CERS3: variants seen among roughly 807,000 people sequenced by gnomAD.
The protein encoded by CERS3 is ceramide synthase 3, also known as LAG1 homolog, ceramide synthase 3.
CERS3 carries 33 observed loss-of-function variants against 50.3 expected under a neutral mutation model. That is an observed-to-expected ratio of 0.66 (90% confidence interval 0.50 to 0.88). The LOEUF (loss-of-function observed/expected upper bound fraction) is 0.88. CERS3 is among the 40% of genes least tolerant of loss of function. The pLI is 0.00. For missense variants in CERS3, 470 were observed against 460.3 expected (o/e 1.02, Z -0.19); for synonymous variants, 176 against 155.2 (o/e 1.13, Z -0.99).
intron 2 of CERS3, among the ~76,000 whole-genome samples, chr15:100,517,906 C>T (rs1025464204): frequency 2.0e-5 from 3 of 152,154 alleles, no homozygotes; most frequent in Non-Finnish European, 4.4e-5. Flanking sequence ...TCCGAAATCA[C>T]AAGAAAAGTT....
At chr15:100,479,205 G>GATTTACTATTTAA in intron 7 of CERS3, among the ~76,000 whole-genome samples, 1 of 152,116 alleles carries the variant, frequency 6.6e-6, no homozygotes, top group African/African-American at 2.4e-5. Flanking sequence ...TAAATAGTAA[G>GATTTACTATTTAA]ATGGTAGATT....
chr15:100,425,521 CT>C (rs1297089281), intron 11 of CERS3, among the ~76,000 whole-genome samples: 1 of 152,174 alleles, frequency 6.6e-6, no homozygotes, highest in Non-Finnish European at 1.5e-5. Flanking sequence ...CTGTAGCCCA[CT>C]TTGTTTTGGC....
At chr15:100,513,168 C>T (rs1176241705) in intron 2 of CERS3, among the ~76,000 whole-genome samples, 1 of 152,184 alleles carries the variant, frequency 6.6e-6, no homozygotes, top group Non-Finnish European at 1.5e-5. Context: ...CCACAATATA[C>T]TGTGATCTAG....
intron 3 of CERS3, among the ~76,000 whole-genome samples, chr15:100,492,090 C>T (rs975834421): frequency 6.6e-6 from 1 of 152,130 alleles, no homozygotes; most frequent in African/African-American, 2.4e-5. Context: ...AATCCTTTCA[C>T]ATTTATTGAG....
intron 3 of CERS3, 126 bp from the exon 4 acceptor site, chr15:100,491,057 C>T (rs2035635331): frequency 3.3e-6 from 2 of 597,696 alleles, no homozygotes; most frequent in African/African-American, 1.9e-5. Context: ...GACACTGGGG[C>T]TACGTACAGC....
At chr15:100,455,130 C>T (rs771057132) in intron 11 of CERS3, among the ~76,000 whole-genome samples, 1 of 152,012 alleles carries the variant, frequency 6.6e-6, no homozygotes, top group Non-Finnish European at 1.5e-5. Flanking sequence ...AACTCTTATA[C>T]ACTGTTTGTG....
At chr15:100,528,975 A>G (rs2036872940), upstream of CERS3, 1 of 152,218 alleles carries the variant, frequency 6.6e-6, no homozygotes, top group Admixed American at 6.5e-5. Context: ...CAAAGTTGCG[A>G]GTCAAGATTT....
At chr15:100,487,821 A>C (rs2035533855) in intron 4 of CERS3, among the ~76,000 whole-genome samples, 1 of 152,206 alleles carries the variant, frequency 6.6e-6, no homozygotes, top group Admixed American at 6.5e-5. Flanking sequence ...AAGCTAGCAC[A>C]CTGGAATACC....
intron 2 of CERS3, among the ~76,000 whole-genome samples, chr15:100,519,899 G>A (rs900844341): frequency 6.6e-6 from 1 of 152,208 alleles, no homozygotes; most frequent in African/African-American, 2.4e-5. Flanking sequence ...ATCCTCAGGA[G>A]CAGCCCCACC....
chr15:100,515,879 A>G (rs2036474729), intron 2 of CERS3, among the ~76,000 whole-genome samples: 1 of 152,152 alleles, frequency 6.6e-6, no homozygotes, highest in Non-Finnish European at 1.5e-5. Flanking sequence ...ATTGCTGATA[A>G]ACATCTTGCT....
rs535884450 is a variant in CERS3 at position 100,417,842 on chromosome 15, G to A, written c.1000-14977C>T. Among the ~76,000 whole-genome samples the A allele has an allele frequency of 5.9e-5, 9 of 151,918 alleles. No individual in the cohort carries two copies. The South Asian group carries it at 1.7e-3, about 28-fold the overall frequency. On this transcript the variant is annotated intron_variant, in intron 11 of 11. Transcript: ENST00000679737. ...GCACACTGACACCTCACACAGCAGG[G>A]TATTCCAACAGACCTGCAGCTGAGG...
upstream of CERS3, among the ~76,000 whole-genome samples, chr15:100,531,174 A>G (rs1275952358): frequency 6.6e-6 from 1 of 152,246 alleles, no homozygotes; most frequent in East Asian, 1.9e-4. Flanking sequence ...AATGAAACAC[A>G]TGTTATTTGC....
intron 7 of CERS3, among the ~76,000 whole-genome samples, chr15:100,479,178 G>A (rs2035224959): frequency 6.6e-6 from 1 of 152,002 alleles, no homozygotes; most frequent in Non-Finnish European, 1.5e-5. Flanking sequence ...AATGCATCAG[G>A]TGGTACAAGT....
At chr15:100,501,871 A>G (rs2036014256) in intron 2 of CERS3, 21 bp from the exon 3 acceptor site, 2 of 1,610,418 alleles carry the variant, frequency 1.2e-6, no homozygotes, top group Non-Finnish European at 8.5e-7. Flanking sequence ...GGAAACAGAC[A>G]TTAGGCTTGT....
chr15:100,407,081 A>G (rs942033671), intron 11 of CERS3, among the ~76,000 whole-genome samples: 3 of 152,120 alleles, frequency 2.0e-5, no homozygotes, highest in African/African-American at 7.2e-5. Flanking sequence ...CCCATGATAC[A>G]TGGGAATTGT....
chr15:100,495,770 T>A (rs2035793627), intron 3 of CERS3, among the ~76,000 whole-genome samples: 1 of 152,226 alleles, frequency 6.6e-6, no homozygotes, highest in African/African-American at 2.4e-5. Flanking sequence ...CCTAAAAAGA[T>A]AACTAGTAAG....
chr15:100,444,284 G>A (rs887892128), intron 11 of CERS3, among the ~76,000 whole-genome samples: 5 of 151,838 alleles, frequency 3.3e-5, no homozygotes, highest in Admixed American at 6.6e-5. Flanking sequence ...TCTGCTCCCC[G>A]GCTCCTTCAG....
intron 3 of CERS3, among the ~76,000 whole-genome samples, chr15:100,496,766 A>C (rs1242446294): frequency 6.6e-6 from 1 of 152,228 alleles, no homozygotes; most frequent in Non-Finnish European, 1.5e-5. Context: ...AGTCAATTCT[A>C]GGACTTACTT....
At chr15:100,534,608 C>T (rs564475315) in intron 1 of CERS3, among the ~76,000 whole-genome samples, 3 of 151,376 alleles carry the variant, frequency 2.0e-5, no homozygotes, top group South Asian at 2.1e-4. Flanking sequence ...CTGCTCACTG[C>T]GATAAATGCA....
Sources: gnomAD v4.1 joint callset for allele counts (sites outside exome capture counted in the v4.1 genomes callset) on GRCh38, gnomAD v4.1.1 for gene constraint, MANE v1.5 for transcripts, NCBI Gene and HGNC (gene_info 2026-07-23, HGNC 2026-07-21) for gene names.